Variants in MTA1 observed in about 807,000 individuals in gnomAD.
The protein encoded by MTA1 is metastasis-associated protein MTA1.
MTA1 carries 15 observed loss-of-function variants against 97.0 expected under a neutral mutation model. The ratio of observed to expected loss-of-function variants is 0.15; its 90% CI spans 0.10 to 0.24. The LOEUF (loss-of-function observed/expected upper bound fraction) is 0.24, where lower values mean the gene tolerates loss of function less well. Among genes scored for constraint, MTA1 ranks in the 10% least tolerant of loss-of-function variants. MTA1 has a pLI of 1.00. For synonymous variants in MTA1, 435 were observed against 417.5 expected, an observed-to-expected ratio of 1.04 and a Z score of -0.51; for missense variants, 709 against 1,015.1, an observed-to-expected ratio of 0.70 and a Z score of 4.10.
At position 105,464,162 on chromosome 14, in the gene MTA1, T is replaced by G; in HGVS notation, c.1192+15T>G. On this transcript the variant is annotated intron_variant, in intron 13 of 20. Coordinates refer to ENST00000331320, the MANE Select transcript of MTA1 (RefSeq NM_004689.4). ...GAGCTGTTACAGTAAGTGCCCTGGA[T>G]GGCCGGGGGCACACCGCACGCCCGC... 1 of 1,603,818 alleles carries G rather than the reference T, an allele frequency of 6.2e-7. No homozygotes were observed. Among genetic ancestry groups the G allele is most frequent in the Non-Finnish European group, 8.5e-7 (1 of 1,175,310 alleles).
intron 19 of MTA1, 138 bp from the exon 20 acceptor site, chr14:105,469,703 T>G (rs2083752221): frequency 1.5e-6 from 2 of 1,339,126 alleles, no homozygotes; most frequent in Non-Finnish European, 2.0e-6. Flanking sequence ...AGGGCTGCCC[T>G]GGGCCAGGCT....
intron 1 of MTA1, among the ~76,000 whole-genome samples, chr14:105,433,913 C>T (rs587688519): frequency 2.4e-4 from 36 of 152,224 alleles, no homozygotes; most frequent in African/African-American, 7.7e-4. Flanking sequence ...CTGCAAGCTC[C>T]GCCTCCCAGG....
chr14:105,465,007 C>A, intron 15 of MTA1, 87 bp from the exon 16 acceptor site: 2 of 1,427,884 alleles, frequency 1.4e-6, no homozygotes, highest in South Asian at 1.4e-5. Context: ...TGGCCGAGCC[C>A]AGTGAGGGCT....
intron 1 of MTA1, among the ~76,000 whole-genome samples, chr14:105,432,784 T>TA (rs2082213887): frequency 6.6e-6 from 1 of 152,242 alleles, no homozygotes; most frequent in African/African-American, 2.4e-5. Context: ...ACAGTTTTCT[T>TA]ATTGTCAAGA....
intron 3 of MTA1, 87 bp downstream of exon 3, chr14:105,445,598 G>A (rs781906369): frequency 2.9e-5 from 40 of 1,390,062 alleles, no homozygotes; most frequent in Non-Finnish European, 3.9e-5. Context: ...AGGGCCCATC[G>A]GCATCCTGGC....
At chr14:105,441,713 G>GTA (rs2082530688) in intron 2 of MTA1, among the ~76,000 whole-genome samples, 2 of 152,128 alleles carry the variant, frequency 1.3e-5, no homozygotes. Flanking sequence ...AGAATGGCGT[G>GTA]AACCCGGGAG....
chr14:105,453,088 C>T (rs6576104), intron 6 of MTA1, among the ~76,000 whole-genome samples: 141,211 of 152,354 alleles, frequency 0.93, 66,348 homozygotes, highest in East Asian at 1. Context: ...CACACAATGC[C>T]GGACAGCAAA....
Position 105,464,155 on chromosome 14 carries a change from C to T in MTA1, c.1192+8C>T. ...CCTGCGAGAGCTGTTACAGTAAGTG[C>T]CCTGGATGGCCGGGGGCACACCGCA... On this transcript the variant is annotated splice_region_variant and intron_variant, in intron 13 of 20. Coordinates refer to ENST00000331320, the MANE Select transcript of MTA1 (RefSeq NM_004689.4). 6.2e-7 allele frequency: 1 copy of T among 1,606,236 alleles called. No homozygotes were observed. The highest frequency in any genetic ancestry group is 2.2e-5 in the East Asian group (1 of 44,816).
chr14:105,434,168 C>T lies in MTA1; in HGVS notation c.29-4504C>T, dbSNP rs182668029. Among the ~76,000 whole-genome samples the T allele has an allele frequency of 7.7e-4, 118 of 152,290 alleles. 1 individual carries two copies. Among genetic ancestry groups the T allele is most frequent in the African/African-American group, 2.6e-3 (107 of 41,542 alleles). On this transcript the variant is annotated intron_variant, in intron 1 of 20. Coordinates refer to ENST00000331320, the MANE Select transcript of MTA1 (RefSeq NM_004689.4). ...AATGTGTAGAAATTGTTACATTAGT[C>T]CCTATGTAATATCCTTGGTGTGGCC...
intron 1 of MTA1, among the ~76,000 whole-genome samples, chr14:105,432,885 C>T (rs587681023): frequency 2.0e-5 from 3 of 152,262 alleles, no homozygotes; most frequent in Non-Finnish European, 2.9e-5. Flanking sequence ...AGAGTGTCTG[C>T]GACTTCCATG....
rs1350455390 is a variant in MTA1, at chr14:105,460,685, G to T, written c.754-80G>T. On this transcript the variant is annotated intron_variant, in intron 9 of 20. Transcript: ENST00000331320. ...GGGCCTGCAGTAGGGGATCCTTGAG[G>T]TACTGAGGGAGGGGGTACCGTGCCA... 4 of 1,413,344 alleles carry T rather than the reference G, an allele frequency of 2.8e-6. No homozygotes were observed. The African/African-American group carries it at 4.3e-5, about 15-fold the overall frequency. The allele number at this position is 1,413,344 out of a possible 1,614,324, so 87.6% of individuals were successfully genotyped here.
intron 1 of MTA1, among the ~76,000 whole-genome samples, chr14:105,421,648 C>T (rs587759816): frequency 1.3e-5 from 2 of 152,248 alleles, no homozygotes; most frequent in African/African-American, 2.4e-5. Flanking sequence ...GGCTGCCCCC[C>T]CTCCAACCTT....
At chr14:105,469,323 C>A in intron 18 of MTA1, 144 bp from the exon 19 acceptor site, 2 of 906,216 alleles carry the variant, frequency 2.2e-6, no homozygotes, top group Admixed American at 1.9e-5. Context: ...CCCACGTCCC[C>A]CAGGCCCATC....
chr14:105,467,702 A>G, intron 18 of MTA1: 1 of 355,292 alleles, frequency 2.8e-6, no homozygotes, highest in Non-Finnish European at 5.6e-6. Context: ...GCCATCTGGT[A>G]TTGGGGCTGC....
intron 18 of MTA1, chr14:105,467,221 G>T (rs1488345933): frequency 5.6e-6 from 2 of 359,678 alleles, no homozygotes; most frequent in Non-Finnish European, 1.1e-5. Flanking sequence ...TGTGCCGGTT[G>T]CTTGGAGCAG....
Position 105,470,321 on chromosome 14 carries a change from C to T in MTA1, c.*106C>T. The T allele has an allele frequency of 1.0e-6, 1 of 979,890 alleles. No individual in the cohort carries two copies. The highest frequency in any genetic ancestry group is 1.4e-6 in the Non-Finnish European group (1 of 720,434). The allele number at this position is 979,890 out of a possible 1,614,324, so 60.7% of individuals were successfully genotyped here. On this transcript the variant is annotated 3_prime_UTR_variant, in exon 21 of 21. Transcript: ENST00000331320. Reference sequence around the variant, plus strand: ...CAGTTTGGTAGTGCCCCACCTCCCGCCCTCACCTGCAGAGAAACGCGCTCC... The same window carrying T: ...CAGTTTGGTAGTGCCCCACCTCCCGTCCTCACCTGCAGAGAAACGCGCTCC...
At chr14:105,433,828 C>CT (rs201799336) in intron 1 of MTA1, among the ~76,000 whole-genome samples, 1 of 152,170 alleles carries the variant, frequency 6.6e-6, no homozygotes, top group Non-Finnish European at 1.5e-5. Context: ...CTGCACTCAG[C>CT]TTTTTAAAAA....
chr14:105,423,809 C>T (rs368080988), intron 1 of MTA1, among the ~76,000 whole-genome samples: 1 of 152,356 alleles, frequency 6.6e-6, no homozygotes, highest in South Asian at 2.1e-4. Flanking sequence ...GCTCTATATA[C>T]TTGCCAGTGG....
intron 2 of MTA1, among the ~76,000 whole-genome samples, chr14:105,440,903 C>T (rs944330195): frequency 6.6e-5 from 10 of 152,220 alleles, no homozygotes; most frequent in Non-Finnish European, 1.2e-4. Flanking sequence ...GGACTGAACG[C>T]CCCCTCAAAT....
Sources: allele counts gnomAD v4.1 joint callset (sites outside exome capture counted in the v4.1 genomes callset), GRCh38; gene constraint gnomAD v4.1.1; transcripts MANE v1.5; gene names NCBI Gene and HGNC (gene_info 2026-07-23, HGNC 2026-07-21).